Variants in PRKCQ observed in about 807,000 individuals in gnomAD.
PRKCQ encodes protein kinase C theta type.
Under a neutral mutation model 91.2 loss-of-function variants are expected in PRKCQ, and 41 were observed. That is an observed-to-expected ratio of 0.45 (90% CI 0.35 to 0.58). PRKCQ has a LOEUF of 0.58. Among genes scored for constraint, PRKCQ ranks in the 20% least tolerant of loss-of-function variants. PRKCQ has a pLI of 0.00. For synonymous variants in PRKCQ, 307 were observed against 316.9 expected (o/e 0.97, Z 0.33); for missense variants, 673 against 896.5 (o/e 0.75, Z 3.18).
At chr10:6,443,410 T>G (rs4750461) in intron 15 of PRKCQ, among the ~76,000 whole-genome samples, 1 of 152,078 alleles carries the variant, frequency 6.6e-6, no homozygotes, top group South Asian at 2.1e-4. Flanking sequence ...ATATGGACTC[T>G]AAGTGTCCAT....
chr10:6,573,797 A>G (rs887997304), intron 1 of PRKCQ, among the ~76,000 whole-genome samples: 1 of 152,228 alleles, frequency 6.6e-6, no homozygotes, highest in Non-Finnish European at 1.5e-5. Flanking sequence ...TGTGTTCTTG[A>G]TATCAGCTAA....
At chr10:6,485,329 C>G in intron 9 of PRKCQ, 60 bp from the exon 10 acceptor site, 1 of 1,318,220 alleles carries the variant, frequency 7.6e-7, no homozygotes, top group Non-Finnish European at 1.1e-6. Flanking sequence ...AACAGCTCAG[C>G]CTGCTAACGA....
chr10:6,411,431 G>C, the PRKCQ span, among the ~76,000 whole-genome samples: 2,897 of 152,266 alleles, frequency 0.019, 37 homozygotes, highest in South Asian at 0.024. Flanking sequence ...TCTCCAAAAG[G>C]TCCGGTGATA....
intron 1 of PRKCQ, among the ~76,000 whole-genome samples, chr10:6,517,594 T>C (rs1425439392): frequency 3.2e-5 from 2 of 61,710 alleles, no homozygotes; most frequent in African/African-American, 4.2e-5. Flanking sequence ...GCATCTTTTT[T>C]TTTTTTTTTT....
At chr10:6,461,777 A>G (rs924892830) in intron 14 of PRKCQ, among the ~76,000 whole-genome samples, 4 of 152,198 alleles carry the variant, frequency 2.6e-5, no homozygotes, top group Admixed American at 2.6e-4. Context: ...ATCTGACAGT[A>G]AGCTTGTAAA....
intron 15 of PRKCQ, among the ~76,000 whole-genome samples, chr10:6,444,858 T>C (rs182562640): frequency 1.6e-3 from 248 of 152,132 alleles, no homozygotes; most frequent in South Asian, 3.1e-3. Flanking sequence ...GACACCACAA[T>C]TCCAGCCATT....
chr10:6,504,003 C>T (rs142278815), intron 4 of PRKCQ, among the ~76,000 whole-genome samples: 80 of 152,248 alleles, frequency 5.3e-4, no homozygotes, highest in African/African-American at 1.8e-3. Context: ...GTCTCAAACT[C>T]CTGGATTCAA....
chr10:6,527,978 C>G (rs980326152), intron 1 of PRKCQ, among the ~76,000 whole-genome samples: 3 of 152,200 alleles, frequency 2.0e-5, no homozygotes, highest in Admixed American at 6.5e-5. Context: ...TCACTCTTCT[C>G]CTGACTCTGA....
intron 15 of PRKCQ, among the ~76,000 whole-genome samples, chr10:6,448,826 C>T (rs933834718): frequency 3.3e-5 from 5 of 152,260 alleles, no homozygotes; most frequent in Admixed American, 3.3e-4. Flanking sequence ...CAAACAGGGT[C>T]TGGAGTGGAC....
intron 8 of PRKCQ, among the ~76,000 whole-genome samples, chr10:6,491,222 G>A (rs1215684747): frequency 6.6e-6 from 1 of 152,210 alleles, no homozygotes; most frequent in Non-Finnish European, 1.5e-5. Context: ...TCAGCCAAAT[G>A]AATGTGCTGG....
At chr10:6,451,047 G>T (rs200863795) in intron 15 of PRKCQ, among the ~76,000 whole-genome samples, 5 of 151,076 alleles carry the variant, frequency 3.3e-5, no homozygotes, top group South Asian at 2.1e-4. Flanking sequence ...ACATTCAAAA[G>T]CTAGCAGAAG....
rs59020257 is a variant in PRKCQ at position 6,465,712 on chromosome 10, A to G, written c.1354-1308T>C. 6.6e-6 allele frequency among the ~76,000 whole-genome samples: 1 copy of G among 152,360 alleles called. No homozygotes were observed. The highest frequency in any genetic ancestry group is 1.9e-4 in the East Asian group (1 of 5,188). On this transcript the variant is annotated intron_variant, in intron 12 of 17. Coordinates refer to ENST00000263125, the MANE Select transcript of PRKCQ (RefSeq NM_006257.5). This position sits in a 1 kb window ranked among gnomAD's most constrained non-coding sequence, Gnocchi z 4.4. ...AGTAGAAACATTGTTCTGGTCTGAC[A>G]GTGAGACTCCTTGCCTGGTCACCAC...
chr10:6,456,544 G>A, intron 15 of PRKCQ, 130 bp downstream of exon 15: 2 of 1,234,220 alleles, frequency 1.6e-6, no homozygotes, highest in Non-Finnish European at 2.2e-6. Flanking sequence ...GCGTTTATGA[G>A]ATACTTAAGA....
Position 6,485,241 on chromosome 10 carries a change from A to T in PRKCQ, c.929T>A (p.Ile310Asn), listed in dbSNP as rs1374574402. 1 of 1,613,954 alleles carries T rather than the reference A, an allele frequency of 6.2e-7. No individual in the cohort carries two copies. Among genetic ancestry groups the T allele is most frequent in the East Asian group, 2.2e-5 (1 of 44,886 alleles). Reference protein sequence around the residue: ...QARCLRDTEQIFREGPVEIGL... With the variant: ...QARCLRDTEQNFREGPVEIGL... ...AATTTCAACCGGACCTTCTCTGAAG[A>T]TCTGTTCAGTATCTCTTAAGCAGCG... Residue 310 changes from isoleucine (I) to asparagine (N), a missense_variant, in exon 10 of 18, where the codon ATC (isoleucine) becomes AAC (asparagine). By Grantham distance (149) the Ile-to-Asn change is moderately radical (BLOSUM62 -3). Transcript: ENST00000263125.
intron 1 of PRKCQ, among the ~76,000 whole-genome samples, chr10:6,541,746 C>T (rs1839782642): frequency 6.6e-6 from 1 of 152,158 alleles, no homozygotes; most frequent in African/African-American, 2.4e-5. Flanking sequence ...AAGCCCATTT[C>T]TCTTTGAGTG....
chr10:6,508,421 T>G (rs181098345), intron 3 of PRKCQ, among the ~76,000 whole-genome samples: 60 of 152,350 alleles, frequency 3.9e-4, no homozygotes, highest in African/African-American at 1.4e-3. Context: ...CGTGGCTAAA[T>G]AATTTTCTGG....
Position 6,553,270 on chromosome 10 carries a change from G to A in PRKCQ, c.-10+26941C>T, listed in dbSNP as rs1467188296. ...AATAGACATACGAGGCAGGCAGATC[G>A]CTTGAGCTCAGGACTTTGAGACCAG... On this transcript the variant is annotated intron_variant, in intron 1 of 17. Transcript: ENST00000263125. Among the ~76,000 whole-genome samples, 11 of 152,102 alleles carry A rather than the reference G, an allele frequency of 7.2e-5. No individual in the cohort carries two copies. In the East Asian group the frequency reaches 1.4e-3, roughly 19 times the overall value.
At chr10:6,523,270 C>T (rs1839082726) in intron 1 of PRKCQ, among the ~76,000 whole-genome samples, 1 of 151,962 alleles carries the variant, frequency 6.6e-6, no homozygotes, top group Non-Finnish European at 1.5e-5. Context: ...AGGAACAATG[C>T]AAGACCCTGT....
chr10:6,400,523 C>T, the PRKCQ span, among the ~76,000 whole-genome samples: 3 of 151,726 alleles, frequency 2.0e-5, no homozygotes, highest in South Asian at 2.1e-4. Flanking sequence ...CAACACACAG[C>T]GAGAGCTGGA....
Sources: allele counts gnomAD v4.1 joint callset (sites outside exome capture counted in the v4.1 genomes callset), GRCh38; gene constraint gnomAD v4.1.1; non-coding constraint Gnocchi (gnomAD v3.1); transcripts MANE v1.5; gene names NCBI Gene and HGNC (gene_info 2026-07-23, HGNC 2026-07-21).